Variants in SF3B3 observed in about 807,000 individuals in gnomAD.
SF3B3 encodes splicing factor 3b subunit 3.
Under a neutral mutation model 139.2 loss-of-function variants are expected in SF3B3, and 33 were observed. The ratio of observed to expected loss-of-function variants is 0.24; its 90% CI spans 0.18 to 0.32. SF3B3 has a LOEUF of 0.32. SF3B3 is among the 10% of genes least tolerant of loss of function. The pLI, the probability that SF3B3 is intolerant of heterozygous loss-of-function variation, is 1.00. For missense variants in SF3B3, 818 were observed against 1,509.4 expected, an observed-to-expected ratio of 0.54 and a Z score of 7.59; for synonymous variants, 596 against 563.6, an observed-to-expected ratio of 1.06 and a Z score of -0.81.
rs543923328 is a variant in SF3B3, at chr16:70,571,918, A to T, written c.*105A>T. The T allele has an allele frequency of 5.3e-6, 7 of 1,329,252 alleles. No individual in the cohort carries two copies. The highest frequency in any genetic ancestry group is 2.1e-6 in the Non-Finnish European group (2 of 957,742). 82.3% of individuals were successfully genotyped at this position (1,329,252 alleles called of 1,614,324 possible). A position where few individuals can be genotyped will look rare whatever the true frequency, so the allele number is the denominator to read the frequency against. On this transcript the variant is annotated 3_prime_UTR_variant, in exon 26 of 26. Transcript: ENST00000302516. Reference sequence around the variant, plus strand: ...CATGTGGCAGGAGGGTGACTGGATAATTAAGACTGCATTATGAAAGTCAAC... The same window carrying T: ...CATGTGGCAGGAGGGTGACTGGATATTTAAGACTGCATTATGAAAGTCAAC...
At chr16:70,558,995 G>T (rs1321833589) in intron 15 of SF3B3, among the ~76,000 whole-genome samples, 2 of 152,178 alleles carry the variant, frequency 1.3e-5, no homozygotes, top group Non-Finnish European at 2.9e-5. Flanking sequence ...ATTATTGGGG[G>T]AGGGGGACAG....
intron 1 of SF3B3, among the ~76,000 whole-genome samples, chr16:70,525,487 G>GGAAA (rs1303714497): frequency 1.3e-5 from 2 of 151,608 alleles, no homozygotes; most frequent in East Asian, 3.8e-4. Context: ...TAAGGAAAGG[G>GGAAA]GAAAGTAGAC....
chr16:70,531,032 C>T (rs1171350938), intron 4 of SF3B3, 115 bp downstream of exon 4: 5 of 881,490 alleles, frequency 5.7e-6, no homozygotes, highest in South Asian at 1.7e-5. Flanking sequence ...CTTTGGGAGG[C>T]AAGGCTGGCG....
At chr16:70,549,516 T>TA (rs1484866948) in intron 11 of SF3B3, among the ~76,000 whole-genome samples, 1 of 152,232 alleles carries the variant, frequency 6.6e-6, no homozygotes, top group Non-Finnish European at 1.5e-5. Context: ...GGCTTGTTGA[T>TA]ATTCATGGCC....
chr16:70,530,237 CT>C (rs1332329397), intron 3 of SF3B3, among the ~76,000 whole-genome samples: 5 of 151,502 alleles, frequency 3.3e-5, no homozygotes, highest in Middle Eastern at 3.4e-3. Context: ...TCAAGCAATC[CT>C]TCCTTCTGTC....
Position 70,570,023 on chromosome 16 carries a change from C to T in SF3B3, c.3282C>T (p.Asn1094=). The T allele has an allele frequency of 6.2e-7, 1 of 1,614,104 alleles. No homozygotes were observed. The highest frequency in any genetic ancestry group is 8.5e-7 in the Non-Finnish European group (1 of 1,179,972). Residue 1094 remains asparagine, a synonymous_variant, in exon 24 of 26, where the codon AAC becomes AAT. Coordinates refer to ENST00000302516, the MANE Select transcript of SF3B3 (RefSeq NM_012426.5). ...ACTCACAGGCAGAGGTGATCATGAA[C>T]TACCATGTCGGGGAGACGGTGCTGT... The part of the protein sequence containing the change: ...GASQKAEVIM[N]YHVGETVLSL...
At position 70,575,417 on chromosome 16, in the gene SF3B3, T is replaced by C. The variant is rs1230192748; in HGVS notation, c.*3604T>C. ...TTTCACCATGTTGGCCAGGCTGGTTTCGAACTCGTGACCTCAGGTGATCCA... is the reference window on the plus strand; with the variant it reads ...TTTCACCATGTTGGCCAGGCTGGTTCCGAACTCGTGACCTCAGGTGATCCA... On this transcript the variant is annotated 3_prime_UTR_variant, in exon 26 of 26. Coordinates refer to ENST00000302516, the MANE Select transcript of SF3B3 (RefSeq NM_012426.5). 6.6e-6 allele frequency: 1 copy of C among 152,250 alleles called. No homozygotes were observed. The highest frequency in any genetic ancestry group is 6.5e-5 in the Admixed American group (1 of 15,272). The allele number at this position is 152,250 out of a possible 1,614,324, so 9.4% of individuals were successfully genotyped here. A position where few individuals can be genotyped will look rare whatever the true frequency, so the allele number is the denominator to read the frequency against.
At chr16:70,530,557 G>A (rs1400025697) in intron 3 of SF3B3, among the ~76,000 whole-genome samples, 188 bp from the exon 4 acceptor site, 1 of 151,802 alleles carries the variant, frequency 6.6e-6, no homozygotes, top group Non-Finnish European at 1.5e-5. Flanking sequence ...GACCTCAGGT[G>A]ATCCACCCAC....
At chr16:70,540,477 C>T (rs376928594) in intron 8 of SF3B3, among the ~76,000 whole-genome samples, 1 of 152,054 alleles carries the variant, frequency 6.6e-6, no homozygotes, top group Admixed American at 6.5e-5. Context: ...ACTGCATCCT[C>T]GACCTCCCAG....
At chr16:70,548,466 C>T in intron 11 of SF3B3, 24 bp downstream of exon 11, 1 of 1,600,994 alleles carries the variant, frequency 6.2e-7, no homozygotes, top group Non-Finnish European at 8.6e-7. Context: ...TCCCAATAGT[C>T]AAAATGAGGA....
At chr16:70,556,777 CTG>C in intron 14 of SF3B3, 107 bp from the exon 15 acceptor site, 1 of 1,253,136 alleles carries the variant, frequency 8.0e-7, no homozygotes, top group Non-Finnish European at 1.1e-6. Flanking sequence ...CGGGTTTTTT[CTG>C]TGCATAAGGA....
chr16:70,538,223 G>A, intron 6 of SF3B3, 100 bp from the exon 7 acceptor site: 1 of 1,051,964 alleles, frequency 9.5e-7, no homozygotes, highest in Non-Finnish European at 1.5e-6. Flanking sequence ...GTGCCTTTAG[G>A]CCTTTAATGT....
At chr16:70,538,209 G>C in intron 6 of SF3B3, 114 bp from the exon 7 acceptor site, 3 of 934,802 alleles carry the variant, frequency 3.2e-6, no homozygotes, top group Middle Eastern at 2.2e-4. Flanking sequence ...GTGGATCAAA[G>C]CTTGTGCCTT....
chr16:70,556,735 A>G, intron 14 of SF3B3, 151 bp from the exon 15 acceptor site: 1 of 739,580 alleles, frequency 1.4e-6, no homozygotes, highest in Non-Finnish European at 2.2e-6. Context: ...GGGTGTAACT[A>G]ATAACTCAGT....
intron 10 of SF3B3, among the ~76,000 whole-genome samples, chr16:70,545,055 CT>C (rs1006592943): frequency 5.9e-5 from 9 of 152,124 alleles, no homozygotes; most frequent in South Asian, 2.1e-4. Flanking sequence ...AAATAGCATA[CT>C]TTTTATTTAT....
At chr16:70,560,277 C>A in intron 15 of SF3B3, 192 bp from the exon 16 acceptor site, 1 of 450,490 alleles carries the variant, frequency 2.2e-6, no homozygotes, top group Non-Finnish European at 3.9e-6. Context: ...TGCTCCATAA[C>A]TTTGGATGAT....
At chr16:70,540,707 G>C (rs1264437959) in intron 8 of SF3B3, among the ~76,000 whole-genome samples, 2 of 151,594 alleles carry the variant, frequency 1.3e-5, no homozygotes, top group African/African-American at 4.9e-5. Context: ...ATTTTACTTG[G>C]CATAATATTT....
At position 70,536,333 on chromosome 16, in the gene SF3B3, A is replaced by G. The variant is rs142921474; in HGVS notation, c.825+913A>G. Reference sequence around the variant, plus strand: ...CAGGCATGCACTGCCACACCTGGCTAAATTTTTTTTGTATTTTTATTTTTT... The same window carrying G: ...CAGGCATGCACTGCCACACCTGGCTGAATTTTTTTTGTATTTTTATTTTTT... On this transcript the variant is annotated intron_variant, in intron 6 of 25. Coordinates refer to ENST00000302516, the MANE Select transcript of SF3B3 (RefSeq NM_012426.5). Among the ~76,000 whole-genome samples the G allele has an allele frequency of 2.6e-4, 39 of 151,916 alleles. 1 individual carries two copies. The East Asian group carries it at 7.4e-3, about 29-fold the overall frequency.
At chr16:70,525,124 G>A (rs1430703112) in intron 1 of SF3B3, 1 of 151,618 alleles carries the variant, frequency 6.6e-6, no homozygotes, top group East Asian at 2.0e-4. Flanking sequence ...CCTCCTCCTT[G>A]GTTCTAGCTA....
Sources: gnomAD v4.1 joint callset for allele counts (sites outside exome capture counted in the v4.1 genomes callset) on GRCh38, gnomAD v4.1.1 for gene constraint, MANE v1.5 for transcripts, NCBI Gene and HGNC (gene_info 2026-07-23, HGNC 2026-07-21) for gene names.